Variants in CDC14B observed in about 807,000 individuals in gnomAD.
CDC14B encodes dual specificity protein phosphatase CDC14B.
In CDC14B, 22 loss-of-function variants were observed where a neutral mutation model predicts 64.2. The observed-to-expected ratio is 0.34, with a 90% CI of 0.24 to 0.49. CDC14B has a LOEUF of 0.49. Ranked by LOEUF, CDC14B falls within the 20% of genes least tolerant of loss-of-function variation. The pLI, the probability that CDC14B is intolerant of heterozygous loss-of-function variation, is 0.99. For synonymous variants in CDC14B, 191 were observed against 215.8 expected (o/e 0.89, Z 1.01); for missense variants, 498 against 629.9 (o/e 0.79, Z 2.24).
chr9:96,496,550 TG>T (rs1028893398), downstream of CDC14B, among the ~76,000 whole-genome samples: 1 of 152,190 alleles, frequency 6.6e-6, no homozygotes, highest in African/African-American at 2.4e-5. Context: ...GGCCAGTGAG[TG>T]CTGAGTGGAC....
chr9:96,602,810 AT>A (rs887517370), intron 1 of CDC14B, among the ~76,000 whole-genome samples: 1 of 151,916 alleles, frequency 6.6e-6, no homozygotes, highest in Non-Finnish European at 1.5e-5. Flanking sequence ...ATCACTGATG[AT>A]TTTTTTTCTC....
chr9:96,557,401 G>T (rs965494233), intron 4 of CDC14B, among the ~76,000 whole-genome samples: 1 of 152,236 alleles, frequency 6.6e-6, no homozygotes, highest in Non-Finnish European at 1.5e-5. Flanking sequence ...CTGGGCAGCT[G>T]TTTGCTGAAC....
intron 1 of CDC14B, among the ~76,000 whole-genome samples, chr9:96,567,880 A>C (rs1844204237): frequency 6.6e-6 from 1 of 152,204 alleles, no homozygotes; most frequent in African/African-American, 2.4e-5. Flanking sequence ...ATTCTCCATG[A>C]TGTGATTATT....
intron 1 of CDC14B, among the ~76,000 whole-genome samples, chr9:96,582,707 G>A (rs1407701114): frequency 6.6e-6 from 1 of 152,212 alleles, no homozygotes; most frequent in Non-Finnish European, 1.5e-5. Flanking sequence ...TTATGGCACT[G>A]AGGAACAAAC....
intron 1 of CDC14B, among the ~76,000 whole-genome samples, chr9:96,581,490 A>ATTAATTAAATTAATTAAT (rs1845149293): frequency 7.4e-6 from 1 of 135,738 alleles, no homozygotes; most frequent in African/African-American, 3.8e-5. Context: ...AATTAATTAA[A>ATTAATTAAATTAATTAAT]TTAATTAAAT....
intron 13 of CDC14B, among the ~76,000 whole-genome samples, chr9:96,507,660 TGCCTCG>T (rs1834347497): frequency 6.6e-6 from 1 of 152,020 alleles, no homozygotes; most frequent in South Asian, 2.1e-4. Context: ...ATAATCTACC[TGCCTCG>T]GCCTCCCAAA....
In CDC14B at chr9:96,524,785, T is replaced by C. The variant is rs546583994; in HGVS notation, c.947-1060A>G. On this transcript the variant is annotated intron_variant, in intron 9 of 13. Transcript: ENST00000375241. Reference sequence around the variant, plus strand: ...ATGTTTCCAGGCTGCTGGCCCACGCTGCATATTTTGGACTCACCAGAATCC... The same window carrying C: ...ATGTTTCCAGGCTGCTGGCCCACGCCGCATATTTTGGACTCACCAGAATCC... Among the ~76,000 whole-genome samples, 310 of 152,326 alleles carry C rather than the reference T, an allele frequency of 2.0e-3. 1 individual carries two copies. Among genetic ancestry groups the C allele is most frequent in the Non-Finnish European group, 3.9e-3 (262 of 68,036 alleles).
chr9:96,525,460 G>A (rs1837414136), intron 9 of CDC14B, among the ~76,000 whole-genome samples: 1 of 151,780 alleles, frequency 6.6e-6, no homozygotes, highest in Non-Finnish European at 1.5e-5. Context: ...ATAAGCTCAG[G>A]GAAGGCCTGC....
chr9:96,571,480 G>T (rs1844474085), intron 1 of CDC14B, among the ~76,000 whole-genome samples: 1 of 151,868 alleles, frequency 6.6e-6, no homozygotes, highest in Non-Finnish European at 1.5e-5. Flanking sequence ...GGGCTATAAT[G>T]AATAATTTTA....
downstream of CDC14B, among the ~76,000 whole-genome samples, chr9:96,498,254 C>A (rs1476789663): frequency 6.6e-6 from 1 of 152,198 alleles, no homozygotes; most frequent in East Asian, 1.9e-4. Flanking sequence ...AGCTAAGGCA[C>A]AGCCACGTAC....
chr9:96,612,397 C>G (rs1315584980), intron 1 of CDC14B, among the ~76,000 whole-genome samples: 1 of 152,248 alleles, frequency 6.6e-6, no homozygotes, highest in Non-Finnish European at 1.5e-5. Flanking sequence ...CAAGAGAACA[C>G]TGATGCAGCC....
At chr9:96,558,767 G>C (rs1842801440) in intron 4 of CDC14B, among the ~76,000 whole-genome samples, 1 of 152,194 alleles carries the variant, frequency 6.6e-6, no homozygotes, top group Non-Finnish European at 1.5e-5. Flanking sequence ...CCAGGTCATA[G>C]CCACTGGCTT....
chr9:96,506,448 A>G (rs761820299), intron 13 of CDC14B, among the ~76,000 whole-genome samples: 2 of 152,214 alleles, frequency 1.3e-5, no homozygotes, highest in Non-Finnish European at 2.9e-5. Flanking sequence ...CTGTAGGTGG[A>G]TAACAGGTAG....
At chr9:96,578,832 T>A (rs1844962640) in intron 1 of CDC14B, among the ~76,000 whole-genome samples, 1 of 152,216 alleles carries the variant, frequency 6.6e-6, no homozygotes, top group Admixed American at 6.5e-5. Context: ...CTTTTTCTTT[T>A]CTTTGAGACG....
intron 9 of CDC14B, among the ~76,000 whole-genome samples, chr9:96,530,330 TC>T (rs1838258336): frequency 6.6e-6 from 1 of 150,796 alleles, no homozygotes; most frequent in African/African-American, 2.4e-5. Context: ...TCTTGCTCTG[TC>T]CCCCAGGCTG....
At chr9:96,605,388 G>A (rs575356158) in intron 1 of CDC14B, among the ~76,000 whole-genome samples, 4 of 152,096 alleles carry the variant, frequency 2.6e-5, no homozygotes, top group African/African-American at 9.7e-5. Context: ...ACAAGCAGGG[G>A]TAAGTGACTG....
intron 5 of CDC14B, among the ~76,000 whole-genome samples, chr9:96,551,537 C>T: frequency 6.6e-6 from 1 of 151,998 alleles, no homozygotes; most frequent in East Asian, 1.9e-4. Context: ...TGAGTTTTGA[C>T]AATTAGAGTG....
At chr9:96,604,566 G>T (rs535298929) in intron 1 of CDC14B, among the ~76,000 whole-genome samples, 1 of 151,138 alleles carries the variant, frequency 6.6e-6, no homozygotes, top group African/African-American at 2.4e-5. Flanking sequence ...TTTTAGTAGA[G>T]ACAGGGTTTC....
intron 4 of CDC14B, among the ~76,000 whole-genome samples, chr9:96,562,387 C>G (rs1043905714): frequency 6.6e-6 from 1 of 152,174 alleles, no homozygotes; most frequent in Non-Finnish European, 1.5e-5. Flanking sequence ...TATTTTCCAA[C>G]CTTTAGTGCC....
Sources: allele counts gnomAD v4.1 joint callset (sites outside exome capture counted in the v4.1 genomes callset), GRCh38; gene constraint gnomAD v4.1.1; transcripts MANE v1.5; gene names NCBI Gene and HGNC (gene_info 2026-07-23, HGNC 2026-07-21).